OSBPL9: variants seen among roughly 807,000 people sequenced by gnomAD.
OSBPL9 encodes oxysterol-binding protein-related protein 9.
A neutral mutation model predicts 106.6 loss-of-function variants in OSBPL9; 40 were observed. The ratio of observed to expected loss-of-function variants is 0.38; its 90% CI spans 0.29 to 0.49. The LOEUF is 0.49. OSBPL9 is among the 20% of genes least tolerant of loss of function. OSBPL9 has a pLI of 0.97. For synonymous variants in OSBPL9, 269 were observed against 295.4 expected, an observed-to-expected ratio of 0.91 and a Z score of 0.92; for missense variants, 609 against 887.2, an observed-to-expected ratio of 0.69 and a Z score of 3.98.
intron 8 of OSBPL9, chr1:51,752,409 C>G (rs1669445126): frequency 4.9e-6 from 2 of 404,844 alleles, no homozygotes; most frequent in South Asian, 3.6e-5. Context: ...GCCTATACCT[C>G]CCACTGGTTT....
intron 1 of OSBPL9, among the ~76,000 whole-genome samples, chr1:51,580,896 A>ATT (rs1645216639): frequency 3.2e-3 from 2 of 624 alleles, no homozygotes; most frequent in Non-Finnish European, 0.019. Flanking sequence ...TAGCCATTAT[A>ATT]TATATATATA....
At chr1:51,753,487 T>A (rs552806326) in intron 8 of OSBPL9, among the ~76,000 whole-genome samples, 16 of 152,234 alleles carry the variant, frequency 1.1e-4, no homozygotes, top group African/African-American at 3.4e-4. Flanking sequence ...CTGGTAAAAG[T>A]TGGAGAACTT....
At chr1:51,703,291 A>G (rs1657708802) in intron 3 of OSBPL9, among the ~76,000 whole-genome samples, 1 of 152,098 alleles carries the variant, frequency 6.6e-6, no homozygotes, top group South Asian at 2.1e-4. Context: ...ATGTTCTTCC[A>G]TTTCTTTGTA....
chr1:51,779,268 T>C (rs1675766530), intron 15 of OSBPL9, among the ~76,000 whole-genome samples: 1 of 152,186 alleles, frequency 6.6e-6, no homozygotes. Flanking sequence ...CCAACTGATC[T>C]TTGACAAAGC....
intron 3 of OSBPL9, among the ~76,000 whole-genome samples, chr1:51,690,634 C>G (rs1305441231): frequency 2.6e-5 from 4 of 152,182 alleles, no homozygotes; most frequent in African/African-American, 9.6e-5. Flanking sequence ...CATCATTCCT[C>G]ATTCAGCAAA....
chr1:51,519,135 G>C, the OSBPL9 span: 13,735 of 1,198,678 alleles, frequency 0.011, 1,097 homozygotes, highest in African/African-American at 0.18. Context: ...AGTCGGCGAA[G>C]CTGAGGGCGG....
Position 51,729,722 on chromosome 1 carries a change from C to A in OSBPL9, c.318+15643C>A. On this transcript the variant is annotated intron_variant, in intron 4 of 23. Transcript: ENST00000428468. The surrounding 1 kb of genome is among the most constrained non-coding windows in gnomAD (Gnocchi z 5.1). Reference sequence around the variant, plus strand: ...CCTCCTACAGCAGGTGACCCATGGCCAATCGCCAGGGGTCTCTTTGCCAGG... The same window carrying A: ...CCTCCTACAGCAGGTGACCCATGGCAAATCGCCAGGGGTCTCTTTGCCAGG... 1 of 863,348 alleles carries A rather than the reference C, an allele frequency of 1.2e-6. No homozygotes were observed. The highest frequency in any genetic ancestry group is 4.4e-5 in the Admixed American group (1 of 22,848). The allele number at this position is 863,348 out of a possible 1,614,324, so 53.5% of individuals were successfully genotyped here.
chr1:51,730,631 A>G (rs1664174207), intron 4 of OSBPL9, among the ~76,000 whole-genome samples: 1 of 152,216 alleles, frequency 6.6e-6, no homozygotes, highest in Non-Finnish European at 1.5e-5. Context: ...AGTTGAGTAT[A>G]ATTAATGGAC....
intron 3 of OSBPL9, among the ~76,000 whole-genome samples, chr1:51,691,272 A>ATTTTTTTTTT: frequency 6.9e-6 from 1 of 145,544 alleles, no homozygotes; most frequent in Non-Finnish European, 1.5e-5. Flanking sequence ...GCTTGCTGTA[A>ATTTTTTTTTT]CTTTTTTTTT....
chr1:51,638,270 A>T (rs563537250), intron 1 of OSBPL9, among the ~76,000 whole-genome samples: 1 of 152,320 alleles, frequency 6.6e-6, no homozygotes, highest in African/African-American at 2.4e-5. Context: ...AGGATGAGTG[A>T]TGGGGAAAAT....
chr1:51,530,781 T>A, the OSBPL9 span, among the ~76,000 whole-genome samples: 1 of 151,908 alleles, frequency 6.6e-6, no homozygotes, highest in Non-Finnish European at 1.5e-5. Flanking sequence ...GCAGATCACT[T>A]GAGGTCAGTT....
At chr1:51,586,762 G>A (rs1645250099) in intron 1 of OSBPL9, among the ~76,000 whole-genome samples, 1 of 152,192 alleles carries the variant, frequency 6.6e-6, no homozygotes, top group South Asian at 2.1e-4. Flanking sequence ...CCCTTGGGGT[G>A]GCTGGTCCCA....
chr1:51,721,717 T>A (rs1291036481), intron 4 of OSBPL9, among the ~76,000 whole-genome samples: 1 of 152,350 alleles, frequency 6.6e-6, no homozygotes, highest in African/African-American at 2.4e-5. Context: ...TTGTTTTCCC[T>A]GGCCTTGTTA....
chr1:51,699,518 G>A (rs533027154), intron 3 of OSBPL9, among the ~76,000 whole-genome samples: 2 of 152,014 alleles, frequency 1.3e-5, no homozygotes, highest in Non-Finnish European at 2.9e-5. Flanking sequence ...TTATTTTGAT[G>A]CTCAAATTGT....
At position 51,720,058 on chromosome 1, in the gene OSBPL9, GAT is replaced by G. The variant is rs373673789; in HGVS notation, c.318+5982_318+5983del. On this transcript the variant is annotated intron_variant, in intron 4 of 23. Coordinates refer to ENST00000428468, the MANE Select transcript of OSBPL9 (RefSeq NM_024586.6). ...GGTCAGTTGGCTTTGACTTCATATA[GAT>G]ATGCCATTTACTTGGTCAGTGTCAC... Among the ~76,000 whole-genome samples the G allele has an allele frequency of 2.3e-3, 350 of 152,314 alleles. 4 individuals carry two copies. The highest frequency in any genetic ancestry group is 8.2e-3 in the African/African-American group (342 of 41,566).
At chr1:51,556,072 G>C in the OSBPL9 span, among the ~76,000 whole-genome samples, 2 of 149,334 alleles carry the variant, frequency 1.3e-5, no homozygotes, top group African/African-American at 5.0e-5. Flanking sequence ...CTAGCTGTGT[G>C]ATCTCGGGCA....
In OSBPL9 at chr1:51,788,968, C is replaced by T. The variant is rs182394665; in HGVS notation, c.*1179C>T. On this transcript the variant is annotated 3_prime_UTR_variant, in exon 24 of 24. Coordinates refer to ENST00000428468, the MANE Select transcript of OSBPL9 (RefSeq NM_024586.6). Reference sequence around the variant, plus strand: ...GCCTTTCAAGAAGTAGATTCTCAGTCTGAGAGGACACAGGCCAGGGCTTCT... The same window carrying T: ...GCCTTTCAAGAAGTAGATTCTCAGTTTGAGAGGACACAGGCCAGGGCTTCT... Among the ~76,000 whole-genome samples, 1 of 152,282 alleles carries T rather than the reference C, an allele frequency of 6.6e-6. No homozygotes were observed. The highest frequency in any genetic ancestry group is 1.5e-5 in the Non-Finnish European group (1 of 68,020).
chr1:51,663,271 G>C (rs1647535390), intron 2 of OSBPL9, among the ~76,000 whole-genome samples: 1 of 149,454 alleles, frequency 6.7e-6, no homozygotes, highest in East Asian at 2.0e-4. Flanking sequence ...TTTATTTCTA[G>C]TCATTTGAGT....
At chr1:51,540,819 TG>T in the OSBPL9 span, among the ~76,000 whole-genome samples, 1 of 149,332 alleles carries the variant, frequency 6.7e-6, no homozygotes, top group African/African-American at 2.5e-5. Context: ...ATTAGCCAGG[TG>T]GGGTGGTGGG....
Sources: gnomAD v4.1 joint callset for allele counts (sites outside exome capture counted in the v4.1 genomes callset) on GRCh38, gnomAD v4.1.1 for gene constraint, Gnocchi (gnomAD v3.1) non-coding constraint, MANE v1.5 for transcripts, NCBI Gene and HGNC (gene_info 2026-07-23, HGNC 2026-07-21) for gene names.